The following CYP7B1 variants were observed in gnomAD, a reference collection of about 807,000 sequenced individuals.
CYP7B1 encodes the protein cytochrome P450 family 7 subfamily B member 1, also known as cytochrome P450 7B1.
In CYP7B1, 29 loss-of-function variants were observed where a neutral mutation model predicts 42.7. That is an observed-to-expected ratio of 0.68 (90% CI 0.51 to 0.93). The LOEUF is 0.93. Among genes scored for constraint, CYP7B1 ranks in the 40% least tolerant of loss-of-function variants. The pLI, the probability that CYP7B1 is intolerant of heterozygous loss-of-function variation, is 0.00. For synonymous variants in CYP7B1, 235 were observed against 218.2 expected (o/e 1.08, Z -0.68); for missense variants, 655 against 600.5 (o/e 1.09, Z -0.95).
intron 1 of CYP7B1, among the ~76,000 whole-genome samples, chr8:64,702,753 C>A (rs1274413204): frequency 6.6e-6 from 1 of 151,900 alleles, no homozygotes; most frequent in Non-Finnish European, 1.5e-5. Flanking sequence ...CTGGTGTGTG[C>A]GAAATAGTAT....
At chr8:64,725,417 A>C (rs557666336) in intron 1 of CYP7B1, among the ~76,000 whole-genome samples, 1 of 152,260 alleles carries the variant, frequency 6.6e-6, no homozygotes, top group Admixed American at 6.5e-5. Context: ...GTGTCAAGTT[A>C]GGTAATGTTA....
intron 1 of CYP7B1, among the ~76,000 whole-genome samples, chr8:64,765,282 TAGAC>T (rs1485534369): frequency 3.3e-5 from 5 of 152,226 alleles, no homozygotes; most frequent in Non-Finnish European, 7.3e-5. Context: ...CTTGCGGCCT[TAGAC>T]AGTCTAGTCC....
At chr8:64,764,971 T>C (rs537571170) in intron 1 of CYP7B1, among the ~76,000 whole-genome samples, 5 of 147,130 alleles carry the variant, frequency 3.4e-5, no homozygotes, top group East Asian at 1.9e-4. Flanking sequence ...TCCCAGGTGA[T>C]TGAGGAAAAA....
chr8:64,677,704 T>C (rs1161583292), intron 1 of CYP7B1, among the ~76,000 whole-genome samples: 1 of 128,886 alleles, frequency 7.8e-6, no homozygotes, highest in Non-Finnish European at 1.6e-5. Flanking sequence ...CCACACTCCT[T>C]GGTTTTTTTT....
At chr8:64,660,594 T>C (rs1563380771) in intron 1 of CYP7B1, among the ~76,000 whole-genome samples, 1 of 152,192 alleles carries the variant, frequency 6.6e-6, no homozygotes, top group East Asian at 1.9e-4. Flanking sequence ...TTCCTTCAAG[T>C]GAGTGATCCT....
At chr8:64,782,854 T>A (rs1804452655) in intron 1 of CYP7B1, among the ~76,000 whole-genome samples, 1 of 152,230 alleles carries the variant, frequency 6.6e-6, no homozygotes, top group African/African-American at 2.4e-5. Context: ...AGGGTCATCA[T>A]GTTTTTATTA....
At chr8:64,793,894 A>C (rs926549893) in intron 1 of CYP7B1, among the ~76,000 whole-genome samples, 10 of 152,084 alleles carry the variant, frequency 6.6e-5, no homozygotes, top group Admixed American at 3.9e-4. Flanking sequence ...CTTACATAGA[A>C]TTTGGATTCC....
At chr8:64,618,341 A>G (rs1182042865) in intron 2 of CYP7B1, among the ~76,000 whole-genome samples, 1 of 152,122 alleles carries the variant, frequency 6.6e-6, no homozygotes, top group African/African-American at 2.4e-5. Context: ...TTATTCCCTA[A>G]TATTACCAGA....
At chr8:64,736,174 T>C (rs569653439) in intron 1 of CYP7B1, among the ~76,000 whole-genome samples, 2 of 152,296 alleles carry the variant, frequency 1.3e-5, no homozygotes, top group African/African-American at 4.8e-5. Flanking sequence ...ACTAAAAATA[T>C]AGATCTTGAT....
chr8:64,611,562 T>G (rs1248381074), intron 4 of CYP7B1, among the ~76,000 whole-genome samples: 1 of 152,166 alleles, frequency 6.6e-6, no homozygotes, highest in African/African-American at 2.4e-5. Context: ...CGATGTGGAC[T>G]CACTGCAAGC....
At chr8:64,697,220 C>T (rs1191619635) in intron 1 of CYP7B1, among the ~76,000 whole-genome samples, 2 of 152,116 alleles carry the variant, frequency 1.3e-5, no homozygotes, top group Non-Finnish European at 2.9e-5. Flanking sequence ...ATCATTTTTC[C>T]CCTGAGAGTT....
Position 64,798,610 on chromosome 8 carries a change from G to T in CYP7B1, c.-23C>A. On this transcript the variant is annotated 5_prime_UTR_variant, in exon 1 of 6. Transcript: ENST00000310193. ...CATCCGGCGCGCGCTAGGCCGCGGTGGGCAGCCCGGGGTCTGCCTGCGAAC... is the reference window on the plus strand; with the variant it reads ...CATCCGGCGCGCGCTAGGCCGCGGTTGGCAGCCCGGGGTCTGCCTGCGAAC... 6.9e-7 allele frequency: 1 copy of T among 1,450,716 alleles called. No individual in the cohort carries two copies. Among genetic ancestry groups the T allele is most frequent in the South Asian group, 1.4e-5 (1 of 73,002 alleles). 89.9% of individuals were successfully genotyped at this position (1,450,716 alleles called of 1,614,324 possible). A position where few individuals can be genotyped will look rare whatever the true frequency, so the allele number is the denominator to read the frequency against.
intron 1 of CYP7B1, among the ~76,000 whole-genome samples, chr8:64,646,848 A>T (rs1413188780): frequency 6.6e-6 from 1 of 152,220 alleles, no homozygotes; most frequent in African/African-American, 2.4e-5. Flanking sequence ...TCTATCAGCA[A>T]CAAGGGTGCT....
chr8:64,615,841 G>A lies in CYP7B1; in HGVS notation c.700C>T (p.Leu234Phe). The A allele has an allele frequency of 6.2e-7, 1 of 1,613,700 alleles. No individual in the cohort carries two copies. The highest frequency in any genetic ancestry group is 8.5e-7 in the Non-Finnish European group (1 of 1,179,758). ...CTAATAGACTTGACATTTCCTAGAA[G>A]CTCAATGGGTATGTTGGATACTAAA... ...AYLVSNIPIE[L>F]LGNVKSIREK... Residue 234 changes from leucine to phenylalanine, a missense_variant, in exon 3 of 6, where the codon CTT (leucine) becomes TTT (phenylalanine). By Grantham distance (22) the Leu-to-Phe change is conservative. Coordinates refer to ENST00000310193, the MANE Select transcript of CYP7B1 (RefSeq NM_004820.5).
intron 1 of CYP7B1, among the ~76,000 whole-genome samples, chr8:64,755,956 T>C (rs1244343958): frequency 2.0e-5 from 3 of 152,162 alleles, no homozygotes; most frequent in Admixed American, 6.5e-5. Context: ...TAGTACACCA[T>C]AGAAAAAGAG....
intron 1 of CYP7B1, among the ~76,000 whole-genome samples, chr8:64,793,313 C>A (rs1438037946): frequency 1.3e-5 from 2 of 151,896 alleles, no homozygotes; most frequent in Non-Finnish European, 2.9e-5. Context: ...TTATTTAATC[C>A]ATTTTTCATT....
chr8:64,619,952 C>T (rs1408474851), intron 2 of CYP7B1, among the ~76,000 whole-genome samples: 1 of 151,782 alleles, frequency 6.6e-6, no homozygotes, highest in Non-Finnish European at 1.5e-5. Flanking sequence ...ATAACCAAGG[C>T]CAGAGGATCA....
At chr8:64,686,502 TG>T (rs1390575777) in intron 1 of CYP7B1, among the ~76,000 whole-genome samples, 3 of 33,498 alleles carry the variant, frequency 9.0e-5, no homozygotes, top group Non-Finnish European at 1.7e-4. Context: ...GGGAGGGAGG[TG>T]GGGGGGGTCA....
chr8:64,687,544 T>G (rs2129632135), intron 1 of CYP7B1, among the ~76,000 whole-genome samples: 1 of 152,310 alleles, frequency 6.6e-6, no homozygotes, highest in African/African-American at 2.4e-5. Flanking sequence ...TTATGATGTG[T>G]GGATTTTATG....
Sources: gnomAD v4.1 joint callset for allele counts (sites outside exome capture counted in the v4.1 genomes callset) on GRCh38, gnomAD v4.1.1 for gene constraint, MANE v1.5 for transcripts, NCBI Gene and HGNC (gene_info 2026-07-23, HGNC 2026-07-21) for gene names.